The following ARSG variants were observed in gnomAD, a reference collection of about 807,000 sequenced individuals.
ARSG encodes the protein arylsulfatase G.
Under a neutral mutation model 50.5 loss-of-function variants are expected in ARSG, and 37 were observed. The observed-to-expected ratio is 0.73, with a 90% confidence interval of 0.56 to 0.96. ARSG has a LOEUF of 0.96. Ranked by LOEUF, ARSG falls within the 50% of genes least tolerant of loss-of-function variation. ARSG has a pLI of 0.00. For missense variants in ARSG, 629 were observed against 675.3 expected (o/e 0.93, Z 0.76); for synonymous variants, 225 against 254.6 (o/e 0.88, Z 1.11).
chr17:68,440,356 G>T, the ARSG span, among the ~76,000 whole-genome samples: 24 of 152,182 alleles, frequency 1.6e-4, no homozygotes, highest in South Asian at 4.1e-4. Context: ...CCTTAGCTTG[G>T]CTATTGCCAT....
chr17:68,348,098 T>C, intron 4 of ARSG, among the ~76,000 whole-genome samples: 1 of 152,078 alleles, frequency 6.6e-6, no homozygotes, highest in Non-Finnish European at 1.5e-5. Context: ...AACTCTTACC[T>C]CCCCTTTGAT....
At chr17:68,315,378 C>T in intron 2 of ARSG, among the ~76,000 whole-genome samples, 1 of 151,998 alleles carries the variant, frequency 6.6e-6, no homozygotes, top group South Asian at 2.1e-4. Flanking sequence ...TTCATCTCTA[C>T]AAAAAAATCA....
intron 4 of ARSG, among the ~76,000 whole-genome samples, chr17:68,349,185 C>G (rs1055664217): frequency 2.0e-5 from 3 of 151,948 alleles, no homozygotes; most frequent in African/African-American, 7.3e-5. Context: ...GTAACCCCAG[C>G]TATTTGGGAG....
chr17:68,352,808 C>T (rs957509573), intron 5 of ARSG, among the ~76,000 whole-genome samples: 5 of 152,204 alleles, frequency 3.3e-5, no homozygotes, highest in East Asian at 1.9e-4. Context: ...CCGCACCCAG[C>T]GGTGACTCTT....
chr17:68,268,945 T>C, intron 1 of ARSG: 1 of 1,448,698 alleles, frequency 6.9e-7, no homozygotes, highest in Non-Finnish European at 9.3e-7. Flanking sequence ...ACAAAAGCGA[T>C]GTTGGTAGTG....
At chr17:68,430,024 C>T in the ARSG span, 88 of 1,613,948 alleles carry the variant, frequency 5.5e-5, no homozygotes, top group East Asian at 6.7e-5. Flanking sequence ...TTCCTCTGTC[C>T]GGAGAAGTTC....
chr17:68,424,439 C>T, downstream of ARSG: 1 of 534,738 alleles, frequency 1.9e-6, no homozygotes, highest in Non-Finnish European at 3.8e-6. Context: ...ACCTGCACTC[C>T]ATCCTTTTAC....
chr17:68,413,446 C>G (rs1287833908), intron 11 of ARSG, among the ~76,000 whole-genome samples: 1 of 152,180 alleles, frequency 6.6e-6, no homozygotes, highest in Non-Finnish European at 1.5e-5. Flanking sequence ...GGTCAGGGAC[C>G]CACTTGAGGA....
intron 2 of ARSG, among the ~76,000 whole-genome samples, chr17:68,331,177 GTTTCTTTCTTTC>G (rs71142163): frequency 0.014 from 1,721 of 119,006 alleles, 43 homozygotes; most frequent in African/African-American, 0.034. Flanking sequence ...CAAAGACAGG[GTTTCTTTCTTTC>G]TTTCTTTCTT....
the ARSG span, chr17:68,448,173 T>G: frequency 1.3e-5 from 2 of 152,082 alleles, no homozygotes; most frequent in African/African-American, 4.8e-5. Context: ...TTCCCCAGAG[T>G]GGGCAGTCCT....
intron 1 of ARSG, among the ~76,000 whole-genome samples, chr17:68,273,177 A>C (rs1238568559): frequency 6.6e-6 from 1 of 151,946 alleles, no homozygotes; most frequent in African/African-American, 2.4e-5. Flanking sequence ...ATCATCTATG[A>C]GGAATATATG....
chr17:68,434,403 G>A, the ARSG span, among the ~76,000 whole-genome samples: 4 of 152,310 alleles, frequency 2.6e-5, 1 homozygote, highest in South Asian at 8.3e-4. Context: ...CCTAAGTAAA[G>A]CCTGGGAGTC....
At chr17:68,437,959 A>AAAAAAC in the ARSG span, among the ~76,000 whole-genome samples, 2 of 150,702 alleles carry the variant, frequency 1.3e-5, no homozygotes, top group Admixed American at 6.6e-5. Context: ...AAAAAAAAAA[A>AAAAAAC]AAAAAAAAAA....
Position 68,368,601 on chromosome 17 carries a change from C to T in ARSG, c.758C>T (p.Pro253Leu). The change falls in exon 7 of 12, where the codon CCC becomes CTC. Residue 253 changes from proline (P) to leucine (L), a missense_variant. Coordinates refer to ENST00000621439, the MANE Select transcript of ARSG (RefSeq NM_001267727.2). ...GTGGCTCTGGCCCACATGCACGTGCCCTTACCTGTGACTCAGCTACCAGCA... is the reference window on the plus strand; with the variant it reads ...GTGGCTCTGGCCCACATGCACGTGCTCTTACCTGTGACTCAGCTACCAGCA... ...LYVALAHMHV[P>L]LPVTQLPAAP... 6.2e-7 allele frequency: 1 copy of T among 1,614,190 alleles called. No homozygotes were observed. Among genetic ancestry groups the T allele is most frequent in the Non-Finnish European group, 8.5e-7 (1 of 1,180,026 alleles).
chr17:68,284,325 C>T (rs577031541), intron 1 of ARSG, among the ~76,000 whole-genome samples: 1 of 152,142 alleles, frequency 6.6e-6, no homozygotes, highest in Non-Finnish European at 1.5e-5. Flanking sequence ...ACCCGGGAGG[C>T]AGAGGTTGCA....
At chr17:68,439,511 G>C in the ARSG span, among the ~76,000 whole-genome samples, 1 of 152,142 alleles carries the variant, frequency 6.6e-6, no homozygotes, top group Non-Finnish European at 1.5e-5. Context: ...AGAGGTACAA[G>C]GTTTGGGGCG....
intron 10 of ARSG, among the ~76,000 whole-genome samples, chr17:68,396,099 C>T (rs1453240452): frequency 2.0e-5 from 3 of 151,560 alleles, no homozygotes; most frequent in African/African-American, 7.3e-5. Flanking sequence ...ACCTCCGCCT[C>T]CTGGGTTCAA....
intron 1 of ARSG, among the ~76,000 whole-genome samples, chr17:68,303,984 A>T (rs144177909): frequency 1.8e-3 from 270 of 152,368 alleles, no homozygotes; most frequent in African/African-American, 6.3e-3. Flanking sequence ...TCTCTTTGAA[A>T]ATCCTCAATG....
rs150914087 is a variant in ARSG, at chr17:68,273,751, C to T, written c.-552+14325C>T. The T allele has an allele frequency of 7.7e-4, 469 of 610,406 alleles. 4 individuals are homozygous for T. Among genetic ancestry groups the T allele is most frequent in the African/African-American group, 7.7e-3 (421 of 54,956 alleles). The allele number at this position is 610,406 out of a possible 1,614,324, so 37.8% of individuals were successfully genotyped here. A position where few individuals can be genotyped will look rare whatever the true frequency, so the allele number is the denominator to read the frequency against. ...CCCTTGGGCACTTGAGAACAGATTC[C>T]CAGGTCCCCTGAAGTCCATATAGCT... On this transcript the variant is annotated intron_variant, in intron 1 of 11. Transcript: ENST00000448504.
Sources: allele counts gnomAD v4.1 joint callset (sites outside exome capture counted in the v4.1 genomes callset), GRCh38; gene constraint gnomAD v4.1.1; transcripts MANE v1.5; gene names NCBI Gene and HGNC (gene_info 2026-07-23, HGNC 2026-07-21).